Variants in SLC14A1 observed in about 807,000 individuals in gnomAD.
SLC14A1 encodes urea transporter 1.
SLC14A1 carries 36 observed loss-of-function variants against 39.6 expected under a neutral mutation model. The ratio of observed to expected loss-of-function variants is 0.91; its 90% CI spans 0.70 to 1.20. The LOEUF is 1.20. SLC14A1 is among the 50% of genes most tolerant of loss of function. The pLI is 0.00. For missense variants in SLC14A1, 469 were observed against 478.7 expected, an observed-to-expected ratio of 0.98 and a Z score of 0.19; for synonymous variants, 164 against 173.6, an observed-to-expected ratio of 0.94 and a Z score of 0.43.
chr18:45,739,500 T>C, intron 7 of SLC14A1, 28 bp from the exon 8 acceptor site: 1 of 1,614,078 alleles, frequency 6.2e-7, no homozygotes, highest in Non-Finnish European at 8.5e-7. Flanking sequence ...CCTTTAGTCC[T>C]GAGTTCTGAC....
At chr18:45,734,451 G>A (rs1349586475) in intron 5 of SLC14A1, 49 bp downstream of exon 5, 1 of 1,599,106 alleles carries the variant, frequency 6.3e-7, no homozygotes, top group Admixed American at 1.7e-5. Flanking sequence ...AAAAAACATG[G>A]CAGAAGGAGG....
intron 5 of SLC14A1, among the ~76,000 whole-genome samples, chr18:45,736,231 A>G (rs1339716735): frequency 2.0e-5 from 3 of 152,174 alleles, no homozygotes; most frequent in Non-Finnish European, 2.9e-5. Flanking sequence ...CCCAGAGTAG[A>G]ATTTTTCAAA....
rs2047669166 is a variant in SLC14A1, at chr18:45,750,085, A to C, written c.*134A>C. The C allele has an allele frequency of 1.3e-6, 2 of 1,576,766 alleles. No homozygotes were observed. Among genetic ancestry groups the C allele is most frequent in the African/African-American group, 2.7e-5 (2 of 74,052 alleles). On this transcript the variant is annotated 3_prime_UTR_variant, in exon 10 of 10. Transcript: ENST00000321925. The stretch of plus-strand genomic sequence containing the variant: ...ACTGACGCGTCTGTAATCTGTTCTT[A>C]TGCTCATTTTGTATTTTCCTTTCAA...
chr18:45,734,497 G>A, intron 5 of SLC14A1, 95 bp downstream of exon 5: 1 of 1,390,830 alleles, frequency 7.2e-7, no homozygotes, highest in Admixed American at 1.7e-5. Context: ...TTTCAGTTTT[G>A]CAAGATGAAA....
chr18:45,742,483 C>A (rs1599308456), intron 8 of SLC14A1, among the ~76,000 whole-genome samples: 2 of 151,294 alleles, frequency 1.3e-5, no homozygotes, highest in African/African-American at 4.9e-5. Flanking sequence ...CCTCAGCCTC[C>A]CAAGTAGCTG....
At chr18:45,741,712 G>A (rs764620444) in intron 8 of SLC14A1, among the ~76,000 whole-genome samples, 2 of 152,210 alleles carry the variant, frequency 1.3e-5, no homozygotes, top group Non-Finnish European at 2.9e-5. Context: ...ATAAAGGAGA[G>A]GATTACAGAC....
At position 45,731,117 on chromosome 18, in the gene SLC14A1, T is replaced by C; in HGVS notation, c.254T>C (p.Leu85Pro). The change falls in exon 4 of 10, where the codon CTT becomes CCT. Residue 85 changes from leucine to proline, a missense_variant. Transcript: ENST00000321925. ...PVSGILILVG[L>P]LVQNPWWALT... ...AGTGGAATCCTGATTCTGGTAGGAC[T>C]TCTTGTTCAGAACCCCTGGTGGGCT... is the stretch of plus-strand genomic sequence containing the variant. 1 of 1,614,172 alleles carries C rather than the reference T, an allele frequency of 6.2e-7. No homozygotes were observed. The highest frequency in any genetic ancestry group is 8.5e-7 in the Non-Finnish European group (1 of 1,180,014).
At chr18:45,749,273 A>T (rs564656800) in intron 9 of SLC14A1, among the ~76,000 whole-genome samples, 3 of 152,234 alleles carry the variant, frequency 2.0e-5, no homozygotes, top group East Asian at 3.9e-4. Context: ...GAATTGTGTG[A>T]GTTTCCATGA....
At chr18:45,728,912 A>G (rs1421262721) in intron 2 of SLC14A1, 9 of 152,244 alleles carry the variant, frequency 5.9e-5, no homozygotes, top group African/African-American at 1.7e-4. Flanking sequence ...TACAATTGAA[A>G]TGTAATTGCT....
At chr18:45,728,310 G>C (rs1414878227) in intron 2 of SLC14A1, among the ~76,000 whole-genome samples, 4 of 152,162 alleles carry the variant, frequency 2.6e-5, no homozygotes, top group Admixed American at 1.3e-4. Flanking sequence ...TATATGCTGG[G>C]AATTTTGAGA....
chr18:45,751,877 T>C lies in SLC14A1; in HGVS notation c.*1926T>C. ...TGTGTATCGTGTAGTATTTTGGAGG[T>C]TGGAAAGTGAAACGTAGGAATCCTG... is the stretch of plus-strand genomic sequence containing the variant. On this transcript the variant is annotated 3_prime_UTR_variant, in exon 10 of 10. Transcript: ENST00000321925. 1.0e-6 allele frequency: 1 copy of C among 985,124 alleles called. No individual in the cohort carries two copies. Among genetic ancestry groups the C allele is most frequent in the South Asian group, 4.7e-5 (1 of 21,264 alleles). The allele number at this position is 985,124 out of a possible 1,614,324, so 61.0% of individuals were successfully genotyped here.
intron 6 of SLC14A1, among the ~76,000 whole-genome samples, chr18:45,738,698 T>C (rs1298719735): frequency 6.6e-6 from 1 of 152,232 alleles, no homozygotes; most frequent in Non-Finnish European, 1.5e-5. Flanking sequence ...CCAAATTGCA[T>C]AGTGATAATA....
At chr18:45,738,290 A>G (rs11877720) in intron 6 of SLC14A1, among the ~76,000 whole-genome samples, 67,378 of 152,050 alleles carry the variant, frequency 0.44, 15,341 homozygotes, top group East Asian at 0.52. Flanking sequence ...CAAGATGGGA[A>G]CTGAGGAAAA....
At chr18:45,724,654 C>T (rs955335476) in intron 1 of SLC14A1, among the ~76,000 whole-genome samples, 5 of 152,232 alleles carry the variant, frequency 3.3e-5, no homozygotes, top group East Asian at 1.9e-4. Flanking sequence ...GAAATAAGTT[C>T]GAGGCGAGTG....
chr18:45,740,250 A>T (rs966006458), intron 8 of SLC14A1, among the ~76,000 whole-genome samples: 2 of 152,186 alleles, frequency 1.3e-5, no homozygotes, highest in African/African-American at 4.8e-5. Flanking sequence ...CTAAATACAG[A>T]GCAATGTCCC....
At chr18:45,738,292 T>C (rs1427358429) in intron 6 of SLC14A1, among the ~76,000 whole-genome samples, 1 of 152,174 alleles carries the variant, frequency 6.6e-6, no homozygotes, top group African/African-American at 2.4e-5. Flanking sequence ...AGATGGGAAC[T>C]GAGGAAAACA....
intron 6 of SLC14A1, among the ~76,000 whole-genome samples, chr18:45,738,913 C>T (rs2047273700): frequency 6.6e-6 from 1 of 152,184 alleles, no homozygotes; most frequent in Non-Finnish European, 1.5e-5. Flanking sequence ...CAGGAGAGCA[C>T]AGGGGGAGCT....
intron 5 of SLC14A1, among the ~76,000 whole-genome samples, chr18:45,735,745 C>T (rs1482156814): frequency 6.6e-6 from 1 of 152,206 alleles, no homozygotes; most frequent in Non-Finnish European, 1.5e-5. Context: ...GAGGCCTAGC[C>T]TGTAAGTGCT....
Position 45,734,141 on chromosome 18 carries a change from CTT to C in SLC14A1, c.342-131_342-130del, listed in dbSNP as rs28994299. On this transcript the variant is annotated intron_variant, in intron 4 of 9. Transcript: ENST00000321925. ...AGTTTTTGTACGATGCTTACGTAGA[CTT>C]TGAAATACATTTCCAAATATAATCT... 10,126 of 1,180,596 alleles carry C rather than the reference CTT, an allele frequency of 8.6e-3. 55 individuals carry two copies. Among genetic ancestry groups the C allele is most frequent in the Non-Finnish European group, 0.011 (8,888 of 795,434 alleles). 73.1% of individuals were successfully genotyped at this position (1,180,596 alleles called of 1,614,324 possible).
Sources: allele counts gnomAD v4.1 joint callset (sites outside exome capture counted in the v4.1 genomes callset), GRCh38; gene constraint gnomAD v4.1.1; transcripts MANE v1.5; gene names NCBI Gene and HGNC (gene_info 2026-07-23, HGNC 2026-07-21).